SAMTOR: variants seen among roughly 807,000 people sequenced by gnomAD.
SAMTOR encodes S-adenosylmethionine sensor upstream of mTORC1.
the SAMTOR span, among the ~76,000 whole-genome samples, chr7:112,855,204 A>G: frequency 1.3e-5 from 2 of 152,252 alleles, no homozygotes; most frequent in South Asian, 4.1e-4. Flanking sequence ...AGGAAATGGC[A>G]GTTTGGATAC....
chr7:112,836,789 C>G, the SAMTOR span, among the ~76,000 whole-genome samples: 1 of 152,040 alleles, frequency 6.6e-6, no homozygotes, highest in African/African-American at 2.4e-5. Context: ...CTATTCTGTC[C>G]ATTGGTCTGT....
the SAMTOR span, among the ~76,000 whole-genome samples, chr7:112,852,122 A>G: frequency 1.3e-5 from 2 of 152,180 alleles, no homozygotes; most frequent in Non-Finnish European, 2.9e-5. Context: ...TACCCAAAGG[A>G]AAAGAAATTA....
the SAMTOR span, among the ~76,000 whole-genome samples, chr7:112,837,238 G>C: frequency 6.6e-6 from 1 of 151,964 alleles, no homozygotes. Flanking sequence ...CTCTCAGCTT[G>C]AATGTTCTTG....
chr7:112,857,133 G>A, the SAMTOR span, among the ~76,000 whole-genome samples: 3 of 135,168 alleles, frequency 2.2e-5, no homozygotes, highest in Non-Finnish European at 3.0e-5. Context: ...CGCCCAGGCC[G>A]GACTGCGGAC....
At chr7:112,871,179 C>G in the SAMTOR span, among the ~76,000 whole-genome samples, 1 of 152,140 alleles carries the variant, frequency 6.6e-6, no homozygotes, top group Non-Finnish European at 1.5e-5. Flanking sequence ...TAACAGACAT[C>G]CACAGACAAC....
At chr7:112,853,433 C>T in the SAMTOR span, among the ~76,000 whole-genome samples, 1 of 152,036 alleles carries the variant, frequency 6.6e-6, no homozygotes, top group East Asian at 1.9e-4. Context: ...CCCCTTGATT[C>T]CCACCCTGCT....
chr7:112,922,004 G>C, the SAMTOR span, among the ~76,000 whole-genome samples: 56 of 151,700 alleles, frequency 3.7e-4, no homozygotes, highest in Middle Eastern at 3.4e-3. Context: ...CTCTGATGCC[G>C]AGCCGAAGCT....
chr7:112,912,858 T>G, the SAMTOR span, among the ~76,000 whole-genome samples: 3 of 152,096 alleles, frequency 2.0e-5, no homozygotes, highest in Admixed American at 6.6e-5. Context: ...TTGAGGCAGA[T>G]TCATTGTTCA....
the SAMTOR span, among the ~76,000 whole-genome samples, chr7:112,912,655 C>A: frequency 6.6e-6 from 1 of 151,786 alleles, no homozygotes; most frequent in Admixed American, 6.6e-5. Flanking sequence ...TGTTACATAA[C>A]TTCTCTTAGT....
At chr7:112,897,740 TAA>T in the SAMTOR span, among the ~76,000 whole-genome samples, 1 of 152,032 alleles carries the variant, frequency 6.6e-6, no homozygotes, top group East Asian at 1.9e-4. Flanking sequence ...GACGACTGCA[TAA>T]AAGAGAGAAA....
At chr7:112,924,447 C>T in the SAMTOR span, among the ~76,000 whole-genome samples, 1 of 152,144 alleles carries the variant, frequency 6.6e-6, no homozygotes, top group African/African-American at 2.4e-5. Flanking sequence ...GAAAACCAAA[C>T]TATTAGCCCT....
the SAMTOR span, among the ~76,000 whole-genome samples, chr7:112,854,198 T>C: frequency 1.3e-5 from 2 of 152,150 alleles, no homozygotes; most frequent in Non-Finnish European, 2.9e-5. Flanking sequence ...TCTCATTTAT[T>C]TGGCAACTTA....
chr7:112,849,443 TC>T, the SAMTOR span, among the ~76,000 whole-genome samples: 1 of 152,170 alleles, frequency 6.6e-6, no homozygotes, highest in Admixed American at 6.5e-5. Context: ...AGTTTCTTCA[TC>T]CATGAAATGA....
chr7:112,907,842 C>CCTATTTAT, the SAMTOR span, among the ~76,000 whole-genome samples: 146 of 146,434 alleles, frequency 1.0e-3, no homozygotes, highest in Non-Finnish European at 6.8e-4. Context: ...TTCTTACTTA[C>CCTATTTAT]TTATTTATTT....
At chr7:112,918,798 C>T in the SAMTOR span, among the ~76,000 whole-genome samples, 3 of 152,124 alleles carry the variant, frequency 2.0e-5, no homozygotes, top group Admixed American at 2.0e-4. Flanking sequence ...AGGTGCAATC[C>T]TAGTCTCTGA....
At chr7:112,914,119 G>C in the SAMTOR span, among the ~76,000 whole-genome samples, 1 of 152,008 alleles carries the variant, frequency 6.6e-6, no homozygotes, top group African/African-American at 2.4e-5. Flanking sequence ...TTTGTTGAAT[G>C]AATGAAATAT....
chr7:112,890,649 T>G, the SAMTOR span, among the ~76,000 whole-genome samples: 107 of 150,636 alleles, frequency 7.1e-4, no homozygotes, highest in Admixed American at 2.3e-3. Flanking sequence ...TATATATATA[T>G]TATAAAAATA....
the SAMTOR span, among the ~76,000 whole-genome samples, chr7:112,876,681 C>T: frequency 6.6e-6 from 1 of 152,146 alleles, no homozygotes; most frequent in Admixed American, 6.5e-5. Context: ...GCAGAGACCT[C>T]CTCTTAAAAA....
the SAMTOR span, chr7:112,821,115 G>A: frequency 6.6e-6 from 1 of 152,272 alleles, no homozygotes; most frequent in Admixed American, 6.6e-5. Flanking sequence ...ACACACTTTG[G>A]GGGACATCTC....
Sources: gnomAD v4.1 joint callset for allele counts (sites outside exome capture counted in the v4.1 genomes callset) on GRCh38, gnomAD v4.1.1 for gene constraint, MANE v1.5 for transcripts, NCBI Gene and HGNC (gene_info 2026-07-23, HGNC 2026-07-21) for gene names.